The following ASAH2 variants were observed in gnomAD, a reference collection of about 807,000 sequenced individuals.
The protein encoded by ASAH2 is neutral ceramidase.
ASAH2 carries 58 observed loss-of-function variants against 82.9 expected under a neutral mutation model. That is an observed-to-expected ratio of 0.70 (90% CI 0.57 to 0.87). The LOEUF (loss-of-function observed/expected upper bound fraction) is 0.87, where lower values mean the gene tolerates loss of function less well. Among genes scored for constraint, ASAH2 ranks in the 40% least tolerant of loss-of-function variants. ASAH2 has a pLI of 0.00. For synonymous variants in ASAH2, 276 were observed against 289.7 expected (o/e 0.95, Z 0.48); for missense variants, 779 against 834.0 (o/e 0.93, Z 0.81).
rs751691065 is a variant in ASAH2, at chr10:50,248,532, G to A, written c.79C>T (p.Leu27Phe). Residue 27 changes from leucine to phenylalanine, a missense_variant, in exon 2 of 21, where the codon CTT becomes TTT. Transcript: ENST00000682911. The part of the protein sequence containing the change: ...LVMMSAITVA[L>F]LSLLFITSGT... ...CTGGTGATAAACAAGAGGCTGAGAAGGGCCACTGTGATGGCACTCATCATT... is the reference window on the plus strand; with the variant it reads ...CTGGTGATAAACAAGAGGCTGAGAAAGGCCACTGTGATGGCACTCATCATT... The A allele has an allele frequency of 1.9e-6, 3 of 1,613,822 alleles. No homozygotes were observed. The highest frequency in any genetic ancestry group is 1.7e-6 in the Non-Finnish European group (2 of 1,179,754).
At chr10:50,235,624 C>T (rs1437896383) in intron 5 of ASAH2, among the ~76,000 whole-genome samples, 1 of 152,082 alleles carries the variant, frequency 6.6e-6, no homozygotes, top group Admixed American at 6.6e-5. Context: ...GAACCCCAAA[C>T]CAAAATGTTT....
intron 8 of ASAH2, among the ~76,000 whole-genome samples, chr10:50,215,140 C>A (rs1845560203): frequency 6.6e-6 from 1 of 152,178 alleles, no homozygotes; most frequent in Non-Finnish European, 1.5e-5. Flanking sequence ...AAGTCTTTAC[C>A]AATCCCTATG....
intron 14 of ASAH2, among the ~76,000 whole-genome samples, chr10:50,203,912 C>T (rs1845226363): frequency 6.6e-6 from 1 of 151,954 alleles, no homozygotes; most frequent in African/African-American, 2.4e-5. Flanking sequence ...GAAACAGAAT[C>T]AGTGGTTATC....
Position 50,238,279 on chromosome 10 carries a change from A to C in ASAH2, c.511-2215T>G, listed in dbSNP as rs924900786. On this transcript the variant is annotated intron_variant, in intron 4 of 20. Coordinates refer to ENST00000682911, the MANE Select transcript of ASAH2 (RefSeq NM_019893.4). Reference sequence around the variant, plus strand: ...CTATGTACTTGATATACATGAAGATAATCATTCAACCTCTTCTATTGCAGG... The same window carrying C: ...CTATGTACTTGATATACATGAAGATCATCATTCAACCTCTTCTATTGCAGG... Among the ~76,000 whole-genome samples, 81 of 151,972 alleles carry C rather than the reference A, an allele frequency of 5.3e-4. No homozygotes were observed. In the South Asian group the frequency reaches 0.017, roughly 32 times the overall value.
chr10:50,233,343 A>T (rs1261202404), intron 6 of ASAH2, 82 bp from the exon 7 acceptor site: 2 of 993,930 alleles, frequency 2.0e-6, no homozygotes, highest in East Asian at 2.4e-5. Context: ...CAGCTGACAC[A>T]AAAACAAAAA....
chr10:50,194,148 A>T (rs1271435036), intron 18 of ASAH2, among the ~76,000 whole-genome samples: 2 of 151,352 alleles, frequency 1.3e-5, no homozygotes, highest in Non-Finnish European at 3.0e-5. Context: ...AAGAGAAAAC[A>T]TTTCCCAACT....
chr10:50,214,315 A>AT lies in ASAH2; in HGVS notation c.1140+427dup, dbSNP rs1371932082. 1.4e-4 allele frequency among the ~76,000 whole-genome samples: 21 copies of AT among 152,162 alleles called. No homozygotes were observed. The East Asian group carries it at 2.1e-3, about 15-fold the overall frequency. On this transcript the variant is annotated intron_variant, in intron 9 of 20. Coordinates refer to ENST00000682911, the MANE Select transcript of ASAH2 (RefSeq NM_019893.4). Reference sequence around the variant, plus strand: ...CCACATTATTTGAATTTTTACAGCAATTTTTTTGCTTGTAATTTTTAAGAA... The same window carrying AT: ...CCACATTATTTGAATTTTTACAGCAATTTTTTTTGCTTGTAATTTTTAAGAA...
intron 8 of ASAH2, among the ~76,000 whole-genome samples, chr10:50,217,195 C>T (rs866584715): frequency 0.018 from 2,658 of 151,566 alleles, 38 homozygotes; most frequent in Middle Eastern, 0.086. Context: ...CACATGTGAT[C>T]TCTTTGCACA....
rs1845750358 is a variant in ASAH2 at position 50,221,667 on chromosome 10, AGATAGAT to A, written c.894-3044_894-3038del. Among the ~76,000 whole-genome samples, 11 of 149,542 alleles carry A rather than the reference AGATAGAT, an allele frequency of 7.4e-5. No homozygotes were observed. The Admixed American group carries it at 7.4e-4, about 10-fold the overall frequency. ...TGTGTGTGTGTGTGTGTGTATAGAT[AGATAGAT>A]GATAGATAGATAGATAGATGGATGG... is the stretch of plus-strand genomic sequence containing the variant. On this transcript the variant is annotated intron_variant, in intron 7 of 20. Coordinates refer to ENST00000682911, the MANE Select transcript of ASAH2 (RefSeq NM_019893.4).
chr10:50,240,711 T>C (rs1331408650), intron 4 of ASAH2, among the ~76,000 whole-genome samples: 2 of 152,352 alleles, frequency 1.3e-5, no homozygotes, highest in South Asian at 2.1e-4. Context: ...CCTCTCTGTG[T>C]TCATTCTGTT....
chr10:50,193,873 C>T (rs1844906585), intron 18 of ASAH2, among the ~76,000 whole-genome samples: 1 of 151,444 alleles, frequency 6.6e-6, no homozygotes, highest in African/African-American at 2.4e-5. Flanking sequence ...TATATTACAC[C>T]AACAAATTAA....
rs1426804036 is a variant in ASAH2, at chr10:50,211,111, C to G, written c.1251G>C (p.Gln417His). Residue 417 changes from glutamine (Q) to histidine (H), a missense_variant, in exon 11 of 21, where the codon CAG (glutamine) becomes CAC (histidine). By Grantham distance (24) the Gln-to-His change is conservative (BLOSUM62 0). This residue lies in a region of ASAH2 where 759 missense variants were observed against 755.2 expected (regional missense o/e 1.00). Coordinates refer to ENST00000682911, the MANE Select transcript of ASAH2 (RefSeq NM_019893.4). Reference protein sequence around the residue: ...RAKELYASASQEVTGPLASAH... With the variant: ...RAKELYASASHEVTGPLASAH... ...CTGAAGCCAGTGGTCCTGTTACCTCCTGGGAGGCAGAGGCATAGAGTTCCT... is the reference window on the plus strand; with the variant it reads ...CTGAAGCCAGTGGTCCTGTTACCTCGTGGGAGGCAGAGGCATAGAGTTCCT... The G allele has an allele frequency of 6.2e-7, 1 of 1,613,336 alleles. No individual in the cohort carries two copies. The highest frequency in any genetic ancestry group is 8.5e-7 in the Non-Finnish European group (1 of 1,179,560).
At chr10:50,243,455 C>T (rs1029060709) in intron 3 of ASAH2, 104 bp from the exon 4 acceptor site, 1 of 1,257,478 alleles carries the variant, frequency 8.0e-7, no homozygotes. Flanking sequence ...CAAAGAAAAA[C>T]ATCCACATGA....
chr10:50,239,289 C>T (rs1846233583), intron 4 of ASAH2, among the ~76,000 whole-genome samples: 1 of 152,174 alleles, frequency 6.6e-6, no homozygotes, highest in Admixed American at 6.6e-5. Context: ...TTTTTCACAC[C>T]TTCCTTTGGG....
intron 6 of ASAH2, 33 bp from the exon 7 acceptor site, chr10:50,233,294 C>T: frequency 1.3e-6 from 2 of 1,484,852 alleles, no homozygotes; most frequent in Non-Finnish European, 1.9e-6. Flanking sequence ...ACAGTCAGTT[C>T]TGTGTTAGAG....
Position 50,248,516 on chromosome 10 carries a change from A to G in ASAH2, c.95T>C (p.Phe32Ser), listed in dbSNP as rs1846530687. The change falls in exon 2 of 21, where the codon TTT (phenylalanine) becomes TCT (serine). Residue 32 changes from phenylalanine (F) to serine (S), a missense_variant. By Grantham distance (155) the Phe-to-Ser change is radical. Transcript: ENST00000682911. Reference protein sequence around the residue: ...AITVALLSLLFITSGTIENHK... With the variant: ...AITVALLSLLSITSGTIENHK... ...GTTTTCAATGGTCCCACTGGTGATAAACAAGAGGCTGAGAAGGGCCACTGT... is the reference window on the plus strand; with the variant it reads ...GTTTTCAATGGTCCCACTGGTGATAGACAAGAGGCTGAGAAGGGCCACTGT... 1 of 1,613,732 alleles carries G rather than the reference A, an allele frequency of 6.2e-7. No individual in the cohort carries two copies. Among genetic ancestry groups the G allele is most frequent in the African/African-American group, 1.3e-5 (1 of 74,914 alleles).
chr10:50,213,686 A>C (rs1845521800), intron 9 of ASAH2, among the ~76,000 whole-genome samples: 1 of 152,112 alleles, frequency 6.6e-6, no homozygotes, highest in South Asian at 2.1e-4. Flanking sequence ...GACAGGTAAA[A>C]CATCTTAAAT....
intron 16 of ASAH2, among the ~76,000 whole-genome samples, chr10:50,199,725 T>C (rs1845090383): frequency 6.6e-6 from 1 of 150,462 alleles, no homozygotes. Flanking sequence ...AATGTCATCT[T>C]TCCAGTCTCC....
chr10:50,198,764 A>G (rs1242541117), intron 17 of ASAH2, among the ~76,000 whole-genome samples: 1 of 152,052 alleles, frequency 6.6e-6, no homozygotes, highest in African/African-American at 2.4e-5. Flanking sequence ...TTAATTTCAC[A>G]TGATGGTTGT....
Sources: allele counts gnomAD v4.1 joint callset (sites outside exome capture counted in the v4.1 genomes callset), GRCh38; gene constraint gnomAD v4.1.1; regional missense constraint gnomAD v4.1.1; transcripts MANE v1.5; gene names NCBI Gene and HGNC (gene_info 2026-07-23, HGNC 2026-07-21).